The following IL1RAPL2 variants were observed in gnomAD, a reference collection of about 807,000 sequenced individuals.
IL1RAPL2 encodes interleukin 1 receptor accessory protein like 2, also known as X-linked interleukin-1 receptor accessory protein-like 2.
In IL1RAPL2, 3 loss-of-function variants were observed where a neutral mutation model predicts 44.1. The observed-to-expected ratio is 0.07, with a 90% CI of 0.03 to 0.18. The LOEUF (loss-of-function observed/expected upper bound fraction) is 0.18. IL1RAPL2 is among the 10% of genes least tolerant of loss of function. The pLI, the probability that IL1RAPL2 is intolerant of heterozygous loss-of-function variation, is 1.00. For synonymous variants in IL1RAPL2, 181 were observed against 178.8 expected, an observed-to-expected ratio of 1.01 and a Z score of -0.10; for missense variants, 391 against 496.4, an observed-to-expected ratio of 0.79 and a Z score of 2.02.
intron 6 of IL1RAPL2, among the ~76,000 whole-genome samples, chrX:105,507,606 G>A (rs1292834994): frequency 2.7e-5 from 3 of 111,224 alleles, no homozygotes; most frequent in African/African-American, 9.8e-5. Flanking sequence ...ATTATACTAC[G>A]TATAGGCAGA....
At chrX:104,733,171 A>G (rs79901113) in intron 2 of IL1RAPL2, among the ~76,000 whole-genome samples, 2,665 of 111,985 alleles carry the variant, frequency 0.024, 84 homozygotes, top group African/African-American at 0.082. Context: ...AGACAAAGTA[A>G]TCTTGCCTGC....
rs1402242595 is a variant in IL1RAPL2 at position 105,705,673 on chromosome X, T to C, written c.773-11694T>C. ...GGAAGTTTATAAAAGTTCAGAAGAC[T>C]GAACAAAAACAAGTGATAAGAAAAC... is the stretch of plus-strand genomic sequence containing the variant. On this transcript the variant is annotated intron_variant, in intron 6 of 10. Coordinates refer to ENST00000372582, the MANE Select transcript of IL1RAPL2 (RefSeq NM_017416.2). 2.7e-5 allele frequency among the ~76,000 whole-genome samples: 3 copies of C among 111,764 alleles called. No individual in the cohort carries two copies. The East Asian group carries it at 8.5e-4, about 32-fold the overall frequency.
chrX:104,922,477 G>A (rs1280934528), intron 2 of IL1RAPL2, among the ~76,000 whole-genome samples: 1 of 112,504 alleles, frequency 8.9e-6, no homozygotes, highest in African/African-American at 3.2e-5. Flanking sequence ...CTCTGTTGGT[G>A]TGGCACAGCA....
intron 1 of IL1RAPL2, among the ~76,000 whole-genome samples, chrX:104,616,531 C>T (rs1360708510): frequency 8.9e-6 from 1 of 112,159 alleles, no homozygotes; most frequent in Non-Finnish European, 1.9e-5. Context: ...AGTCATGCGG[C>T]TGGAGGCTAC....
At chrX:105,105,054 T>C (rs1399361294) in intron 2 of IL1RAPL2, among the ~76,000 whole-genome samples, 1 of 112,143 alleles carries the variant, frequency 8.9e-6, no homozygotes, top group African/African-American at 3.2e-5. Context: ...TGCTCAATAA[T>C]TACTTGTTAG....
chrX:105,052,823 A>C (rs1353624587), intron 2 of IL1RAPL2, among the ~76,000 whole-genome samples: 7 of 110,195 alleles, frequency 6.4e-5, no homozygotes, highest in Non-Finnish European at 1.9e-5. Context: ...CCTGTCATCT[A>C]GGTTTTAAGC....
At chrX:105,041,432 CT>C (rs2031734473) in intron 2 of IL1RAPL2, among the ~76,000 whole-genome samples, 1 of 110,299 alleles carries the variant, frequency 9.1e-6, no homozygotes, top group Non-Finnish European at 1.9e-5. Flanking sequence ...CCTGGGTATC[CT>C]TGTTGACTTT....
At chrX:104,888,015 A>G (rs1923301285) in intron 2 of IL1RAPL2, among the ~76,000 whole-genome samples, 1 of 111,640 alleles carries the variant, frequency 9.0e-6, no homozygotes, top group Non-Finnish European at 1.9e-5. Context: ...CCATGCTGCA[A>G]TATGGAAATA....
At chrX:105,396,669 A>G (rs1399674617) in intron 5 of IL1RAPL2, among the ~76,000 whole-genome samples, 11 of 107,172 alleles carry the variant, frequency 1.0e-4, no homozygotes, top group African/African-American at 3.0e-4. Flanking sequence ...GTCCTTGATA[A>G]GACCAATACT....
At chrX:104,636,004 T>TCTTTGATGGTG (rs1929794650) in intron 1 of IL1RAPL2, among the ~76,000 whole-genome samples, 2 of 111,808 alleles carry the variant, frequency 1.8e-5, no homozygotes, top group African/African-American at 6.5e-5. Context: ...ATGATGGTGA[T>TCTTTGATGGTG]GTACAGATGG....
In IL1RAPL2 at chrX:104,697,103, T is replaced by C. The variant is rs1288221584; in HGVS notation, c.82+38108T>C. On this transcript the variant is annotated intron_variant, in intron 2 of 10. Transcript: ENST00000372582. The stretch of plus-strand genomic sequence containing the variant: ...CACATGATATGTTGCTTTTTAATAA[T>C]GAGCTCCCCTAACACATTTAAGACA... Among the ~76,000 whole-genome samples the C allele has an allele frequency of 3.5e-5, 4 of 112,802 alleles. No individual in the cohort carries two copies. The East Asian group carries it at 1.1e-3, about 31-fold the overall frequency.
chrX:105,681,449 C>T (rs2037924655), intron 6 of IL1RAPL2, among the ~76,000 whole-genome samples: 1 of 112,007 alleles, frequency 8.9e-6, no homozygotes, highest in African/African-American at 3.2e-5. Flanking sequence ...AAAACATCAA[C>T]AATATTATTT....
At chrX:104,910,046 A>G (rs1924181716) in intron 2 of IL1RAPL2, among the ~76,000 whole-genome samples, 1 of 112,579 alleles carries the variant, frequency 8.9e-6, no homozygotes, top group Admixed American at 9.4e-5. Context: ...TGGGGAATAT[A>G]ATCTCATGCT....
chrX:105,760,242 C>T (rs765840441), intron 10 of IL1RAPL2, among the ~76,000 whole-genome samples: 87 of 111,276 alleles, frequency 7.8e-4, no homozygotes, highest in Non-Finnish European at 1.2e-3. Flanking sequence ...CTCAAACAAA[C>T]AAACAAACAA....
chrX:105,718,485 A>G (rs1162832506), intron 7 of IL1RAPL2, among the ~76,000 whole-genome samples: 1 of 111,526 alleles, frequency 9.0e-6, no homozygotes, highest in Non-Finnish European at 1.9e-5. Flanking sequence ...TATGCAAAAT[A>G]TTTACTATAG....
chrX:105,367,200 T>C (rs781176069), intron 5 of IL1RAPL2, among the ~76,000 whole-genome samples: 33 of 111,684 alleles, frequency 3.0e-4, no homozygotes, highest in Admixed American at 8.6e-4. Context: ...GTACCTTCAC[T>C]TTGAGTCTAT....
chrX:105,055,837 G>T (rs762221842), intron 2 of IL1RAPL2, among the ~76,000 whole-genome samples: 10 of 111,453 alleles, frequency 9.0e-5, no homozygotes, highest in Admixed American at 5.7e-4. Flanking sequence ...TGCCTAGTTG[G>T]AAATTCTATA....
chrX:104,997,811 A>T (rs887073725), intron 2 of IL1RAPL2, among the ~76,000 whole-genome samples: 5 of 111,410 alleles, frequency 4.5e-5, no homozygotes, highest in African/African-American at 1.6e-4. Flanking sequence ...TGAAAAAGAG[A>T]GGAGAGACAG....
At chrX:105,140,240 A>T (rs1186859296) in intron 2 of IL1RAPL2, among the ~76,000 whole-genome samples, 1 of 112,414 alleles carries the variant, frequency 8.9e-6, no homozygotes, top group Non-Finnish European at 1.9e-5. Flanking sequence ...CTGCCTTCTC[A>T]GATTTGCTTA....
Sources: gnomAD v4.1 joint callset for allele counts (sites outside exome capture counted in the v4.1 genomes callset) on GRCh38, gnomAD v4.1.1 for gene constraint, MANE v1.5 for transcripts, NCBI Gene and HGNC (gene_info 2026-07-23, HGNC 2026-07-21) for gene names.